Variants in ABI1 observed in about 807,000 individuals in gnomAD.
The protein encoded by ABI1 is Abelson interactor 1.
ABI1 carries 14 observed loss-of-function variants against 54.6 expected under a neutral mutation model. The observed-to-expected ratio is 0.26, with a 90% CI of 0.17 to 0.40. ABI1 has a LOEUF of 0.40. Among genes scored for constraint, ABI1 ranks in the 10% least tolerant of loss-of-function variants. The probability of loss-of-function intolerance (pLI) is 1.00; values close to 1 mark genes in which losing one functional copy is unlikely to be tolerated. For synonymous variants in ABI1, 194 were observed against 209.3 expected (o/e 0.93, Z 0.63); for missense variants, 443 against 598.3 (o/e 0.74, Z 2.71).
intron 2 of ABI1, among the ~76,000 whole-genome samples, chr10:26,816,317 C>T (rs1008290074): frequency 1.3e-5 from 2 of 152,176 alleles, no homozygotes; most frequent in East Asian, 1.9e-4. Flanking sequence ...GCTAACATTG[C>T]TGCCATTCAG....
intron 1 of ABI1, among the ~76,000 whole-genome samples, chr10:26,834,548 A>AACACACACACAC (rs571268846): frequency 2.4e-4 from 33 of 138,626 alleles, no homozygotes; most frequent in African/African-American, 6.2e-4. Context: ...AGACATACAA[A>AACACACACACAC]ACACACACAC....
intron 1 of ABI1, among the ~76,000 whole-genome samples, chr10:26,839,362 G>A (rs1262376784): frequency 6.6e-6 from 1 of 152,106 alleles, no homozygotes; most frequent in Non-Finnish European, 1.5e-5. Flanking sequence ...CAGGCATGGT[G>A]GCATGAGCCT....
chr10:26,829,441 C>T (rs944255359), intron 1 of ABI1, among the ~76,000 whole-genome samples: 3 of 152,030 alleles, frequency 2.0e-5, no homozygotes, highest in African/African-American at 7.2e-5. Context: ...TTATTGTATA[C>T]TTGAAAATTG....
chr10:26,793,238 G>A (rs1350088897), intron 2 of ABI1, among the ~76,000 whole-genome samples: 2 of 152,194 alleles, frequency 1.3e-5, no homozygotes, highest in Non-Finnish European at 2.9e-5. Flanking sequence ...AAGCTGCACA[G>A]AGGAAGCCTT....
chr10:26,783,905 G>T (rs191325829), intron 2 of ABI1, among the ~76,000 whole-genome samples: 118 of 152,246 alleles, frequency 7.8e-4, no homozygotes, highest in African/African-American at 2.7e-3. Flanking sequence ...TGTCACTCTT[G>T]CACCTGGCCC....
At chr10:26,791,331 T>C (rs1056736666) in intron 2 of ABI1, among the ~76,000 whole-genome samples, 17 of 152,056 alleles carry the variant, frequency 1.1e-4, no homozygotes, top group African/African-American at 3.1e-4. Flanking sequence ...AGATAGGAGT[T>C]TGAAAGAAAA....
rs539310064 is a variant in ABI1 at position 26,772,119 on chromosome 10, TAG to T, written c.463-1032_463-1031del. ...TGTCTTTTGGATACATTCTCATTTA[TAG>T]AAACTGTGCGAGAAATTTGGTACAC... On this transcript the variant is annotated intron_variant, in intron 3 of 10. Transcript: ENST00000376140. 1.6e-4 allele frequency among the ~76,000 whole-genome samples: 25 copies of T among 152,232 alleles called. 2 individuals are homozygous for T. The East Asian group carries it at 4.8e-3, about 29-fold the overall frequency.
intron 1 of ABI1, among the ~76,000 whole-genome samples, chr10:26,840,524 A>G (rs2049419952): frequency 6.6e-6 from 1 of 152,206 alleles, no homozygotes; most frequent in Non-Finnish European, 1.5e-5. Context: ...TCTCCAGCCT[A>G]GTGATTCATT....
chr10:26,848,548 T>A (rs1213152124), intron 1 of ABI1, among the ~76,000 whole-genome samples: 2 of 149,876 alleles, frequency 1.3e-5, no homozygotes, highest in African/African-American at 2.5e-5. Context: ...TACAGAGCAG[T>A]AAGACCCAAA....
At chr10:26,851,890 T>C (rs1003741731) in intron 1 of ABI1, among the ~76,000 whole-genome samples, 48 of 152,252 alleles carry the variant, frequency 3.2e-4, no homozygotes, top group African/African-American at 1.1e-3. Flanking sequence ...AAAATTAAAA[T>C]AGTTTGTGGT....
chr10:26,757,990 C>T (rs1229593654), intron 8 of ABI1, among the ~76,000 whole-genome samples: 1 of 146,706 alleles, frequency 6.8e-6, no homozygotes, highest in African/African-American at 2.6e-5. Context: ...ATCGCTTGAT[C>T]CTGGGAGGGT....
chr10:26,804,676 AT>A (rs1256884656), intron 2 of ABI1, among the ~76,000 whole-genome samples: 5 of 152,172 alleles, frequency 3.3e-5, no homozygotes, highest in Non-Finnish European at 1.5e-5. Flanking sequence ...TCCTTATTTA[AT>A]CTCCAAGGTT....
chr10:26,766,217 T>C (rs965161472), intron 6 of ABI1, among the ~76,000 whole-genome samples: 9 of 152,312 alleles, frequency 5.9e-5, no homozygotes, highest in African/African-American at 1.2e-4. Flanking sequence ...TCTGGAATAG[T>C]TGCTACTGAT....
Position 26,860,370 on chromosome 10 carries a change from G to C in ABI1, c.117+377C>G, listed in dbSNP as rs917359687. Among the ~76,000 whole-genome samples the C allele has an allele frequency of 2.0e-5, 3 of 152,068 alleles. No homozygotes were observed. Among genetic ancestry groups the C allele is most frequent in the Non-Finnish European group, 2.9e-5 (2 of 68,004 alleles). On this transcript the variant is annotated intron_variant, in intron 1 of 10. Transcript: ENST00000376140. This position sits in a 1 kb window ranked among gnomAD's most constrained non-coding sequence, Gnocchi z 4.1. The stretch of plus-strand genomic sequence containing the variant: ...AGAGAGGCGGCGCGGCGGCAGCTCG[G>C]GGGTATTCCGGGACTCCAGCCCTGC...
intron 10 of ABI1, among the ~76,000 whole-genome samples, chr10:26,748,964 C>G (rs3802612): frequency 0.59 from 89,042 of 152,066 alleles, 28,372 homozygotes; most frequent in African/African-American, 0.85. Context: ...AGACTGAATA[C>G]ATCAATAGGT....
At chr10:26,845,306 T>A (rs1235932349) in intron 1 of ABI1, among the ~76,000 whole-genome samples, 2 of 152,190 alleles carry the variant, frequency 1.3e-5, no homozygotes, top group Non-Finnish European at 2.9e-5. Context: ...TTCTTTTTCT[T>A]AGATTTAAGG....
chr10:26,827,568 C>CA lies in ABI1; in HGVS notation c.118-4264dup, dbSNP rs2048381849. 2.7e-5 allele frequency among the ~76,000 whole-genome samples: 4 copies of CA among 149,334 alleles called. No homozygotes were observed. The South Asian group carries it at 8.4e-4, about 31-fold the overall frequency. On this transcript the variant is annotated intron_variant, in intron 1 of 10. Transcript: ENST00000376140. ...ACCACTAAAACTTTCTCCCTATCAG[C>CA]AATAAGGCTTTTCACTTTCTGTTTT... is the stretch of plus-strand genomic sequence containing the variant.
intron 3 of ABI1, among the ~76,000 whole-genome samples, chr10:26,774,031 G>A (rs2132830708): frequency 6.6e-6 from 1 of 152,232 alleles, no homozygotes; most frequent in South Asian, 2.1e-4. Context: ...ATATCAAGGA[G>A]GCTTGGTTCC....
At chr10:26,849,076 G>T (rs937250327) in intron 1 of ABI1, among the ~76,000 whole-genome samples, 1 of 152,174 alleles carries the variant, frequency 6.6e-6, no homozygotes, top group East Asian at 1.9e-4. Context: ...CCCAAATGTT[G>T]TCTAGTGTGT....
Sources: gnomAD v4.1 joint callset for allele counts (sites outside exome capture counted in the v4.1 genomes callset) on GRCh38, gnomAD v4.1.1 for gene constraint, Gnocchi (gnomAD v3.1) non-coding constraint, MANE v1.5 for transcripts, NCBI Gene and HGNC (gene_info 2026-07-23, HGNC 2026-07-21) for gene names.